ADIG: variants seen among roughly 807,000 people sequenced by gnomAD.
ADIG encodes adipogenin.
Under a neutral mutation model 10.7 loss-of-function variants are expected in ADIG, and 12 were observed. The observed-to-expected ratio is 1.12, with a 90% CI of 0.72 to 1.82. ADIG has a LOEUF of 1.82. Among genes scored for constraint, ADIG ranks in the 40% most tolerant of loss-of-function variants. ADIG has a pLI of 0.00. For synonymous variants in ADIG, 32 were observed against 35.6 expected (o/e 0.90, Z 0.36); for missense variants, 72 against 92.5 (o/e 0.78, Z 0.91).
In ADIG at chr20:38,588,251, A is replaced by C; in HGVS notation, c.*165A>C. The C allele has an allele frequency of 7.7e-7, 1 of 1,304,358 alleles. No individual in the cohort carries two copies. Among genetic ancestry groups the C allele is most frequent in the Non-Finnish European group, 1.0e-6 (1 of 988,960 alleles). The allele number at this position is 1,304,358 out of a possible 1,614,324, so 80.8% of individuals were successfully genotyped here. On this transcript the variant is annotated 3_prime_UTR_variant, in exon 3 of 3. Transcript: ENST00000537425. ...CAGACCGACATGTGAAAGCCTCCAG[A>C]GGTCCCAGCCCTTCTCCAGCATCAC...
chr20:38,587,585 A>C (rs2088648351), intron 2 of ADIG, among the ~76,000 whole-genome samples: 1 of 152,102 alleles, frequency 6.6e-6, no homozygotes, highest in African/African-American at 2.4e-5. Context: ...TTAATTTGCT[A>C]TTGGGCCCTG....
chr20:38,588,230 C>G lies in ADIG; in HGVS notation c.*144C>G, dbSNP rs1346082877. On this transcript the variant is annotated 3_prime_UTR_variant, in exon 3 of 3. Transcript: ENST00000537425. ...ACCCCCAACTCATCTCCTCTTCAGA[C>G]CGACATGTGAAAGCCTCCAGAGGTC... The G allele has an allele frequency of 2.3e-6, 3 of 1,304,496 alleles. 1 individual carries two copies. In the South Asian group the frequency reaches 3.7e-5, roughly 16 times the overall value. 80.8% of individuals were successfully genotyped at this position (1,304,496 alleles called of 1,614,324 possible).
Position 38,581,268 on chromosome 20 carries a change from G to A in ADIG, c.18G>A (p.Met6Ile). MKYPL[M>I]PLVNDLTFSF... ...CATGCGCCATGAAGTACCCTTTGAT[G>A]CCGCTGGTGAACGACCTCACATTTT... Residue 6 changes from methionine to isoleucine, a missense_variant, in exon 1 of 3, where the codon ATG becomes ATA. Coordinates refer to ENST00000537425, the MANE Select transcript of ADIG (RefSeq NM_001393816.1). The A allele has an allele frequency of 6.2e-7, 1 of 1,613,192 alleles. No homozygotes were observed. The highest frequency in any genetic ancestry group is 8.5e-7 in the Non-Finnish European group (1 of 1,179,634).
chr20:38,582,811 CTTTT>C (rs556583627), intron 1 of ADIG, among the ~76,000 whole-genome samples: 2 of 148,850 alleles, frequency 1.3e-5, no homozygotes, highest in Non-Finnish European at 3.0e-5. Flanking sequence ...AGATATCATC[CTTTT>C]TTTTTTATTT....
chr20:38,587,674 C>G (rs2088649118), intron 2 of ADIG, among the ~76,000 whole-genome samples: 1 of 119,106 alleles, frequency 8.4e-6, no homozygotes, highest in Non-Finnish European at 1.8e-5. Flanking sequence ...AGAACCCTAT[C>G]CCATTTATGC....
intron 2 of ADIG, among the ~76,000 whole-genome samples, chr20:38,586,877 T>C (rs1353644876): frequency 7.5e-6 from 1 of 133,102 alleles, no homozygotes; most frequent in African/African-American, 3.6e-5. Context: ...ACACACATAC[T>C]CTCATGTGAG....
intron 1 of ADIG, chr20:38,585,299 C>T (rs2088626528): frequency 1.1e-6 from 1 of 873,194 alleles, no homozygotes; most frequent in Non-Finnish European, 1.7e-6. Context: ...CTCACCCTAC[C>T]TCCCCAAGAT....
At chr20:38,583,958 G>A (rs1489855682) in intron 1 of ADIG, among the ~76,000 whole-genome samples, 1 of 152,016 alleles carries the variant, frequency 6.6e-6, no homozygotes, top group Non-Finnish European at 1.5e-5. Flanking sequence ...GGGTTTGGGG[G>A]GCTAAGGGGT....
rs1477488674 is a variant in ADIG at position 38,582,584 on chromosome 20, A to G, written c.124+1210A>G. Among the ~76,000 whole-genome samples the G allele has an allele frequency of 2.6e-5, 4 of 152,106 alleles. No individual in the cohort carries two copies. In the East Asian group the frequency reaches 5.8e-4, roughly 22 times the overall value. On this transcript the variant is annotated intron_variant, in intron 1 of 2. Transcript: ENST00000537425. ...ATCTCAAATGTAGGGGCTTATAATTATGTAATTATTGGGAGTTCCTGGCAA... is the reference window on the plus strand; with the variant it reads ...ATCTCAAATGTAGGGGCTTATAATTGTGTAATTATTGGGAGTTCCTGGCAA...
At chr20:38,586,804 A>T (rs1240309892) in intron 2 of ADIG, among the ~76,000 whole-genome samples, 2 of 151,976 alleles carry the variant, frequency 1.3e-5, no homozygotes, top group African/African-American at 4.8e-5. Flanking sequence ...CCCCTTCCAC[A>T]AGCTTACTTA....
At chr20:38,587,333 G>A (rs2088646381) in intron 2 of ADIG, among the ~76,000 whole-genome samples, 1 of 152,176 alleles carries the variant, frequency 6.6e-6, no homozygotes, top group South Asian at 2.1e-4. Context: ...GGAGGAGGTG[G>A]TGAAAAGGAG....
intron 2 of ADIG, 66 bp downstream of exon 2, chr20:38,586,227 T>G: frequency 7.5e-7 from 1 of 1,326,970 alleles, no homozygotes; most frequent in Non-Finnish European, 1.0e-6. Context: ...AGCTGCTATG[T>G]GGGCAAGAGG....
chr20:38,585,696 C>CT (rs1386057370), intron 1 of ADIG: 2 of 700,250 alleles, frequency 2.9e-6, no homozygotes, highest in African/African-American at 3.6e-5. Context: ...AACTAGTGGA[C>CT]TAGTGGCCTG....
rs2088588844 is a variant in ADIG at position 38,581,286 on chromosome 20, C to CA, written c.37dup (p.Thr13AsnfsTer28). On this transcript the variant is annotated frameshift_variant, in exon 1 of 3. Coordinates refer to ENST00000537425, the MANE Select transcript of ADIG (RefSeq NM_001393816.1). LOFTEE classifies it high-confidence loss of function. ...CTTTGATGCCGCTGGTGAACGACCT[C>CA]ACATTTTCTTTCCTGGTTTTCTGGT... 6.2e-7 allele frequency: 1 copy of CA among 1,613,908 alleles called. No homozygotes were observed.
chr20:38,584,008 T>C (rs751419130), intron 1 of ADIG, among the ~76,000 whole-genome samples: 2 of 152,090 alleles, frequency 1.3e-5, no homozygotes, highest in African/African-American at 4.8e-5. Context: ...CTGCTGCAGA[T>C]CCCTTTATTG....
At chr20:38,586,364 T>C in intron 2 of ADIG, 1 of 546,560 alleles carries the variant, frequency 1.8e-6, no homozygotes, top group South Asian at 2.1e-5. Context: ...GCCAGCCCCC[T>C]GTGCCACAAG....
chr20:38,581,404 C>A, intron 1 of ADIG, 30 bp downstream of exon 1: 3 of 1,613,300 alleles, frequency 1.9e-6, no homozygotes, highest in Non-Finnish European at 2.5e-6. Flanking sequence ...CAGGCAGGAC[C>A]CTAATCCTGG....
chr20:38,586,379 C>G, intron 2 of ADIG: 1 of 522,648 alleles, frequency 1.9e-6, no homozygotes, highest in East Asian at 3.4e-5. Context: ...CACAAGGAGC[C>G]TTTACAAAGG....
In ADIG at chr20:38,581,340, A is replaced by G. The variant is rs535611431; in HGVS notation, c.90A>G (p.Leu30=). ...GCCTCCCTGTGGGTTTGCTGTTGTT[A>G]TTGATCATCTGGCTACGCTTCTTAC... ...WFCLPVGLLL[L]LIIWLRFLLS... Residue 30 remains leucine (L), a synonymous_variant, in exon 1 of 3, where the codon TTA becomes TTG. Coordinates refer to ENST00000537425, the MANE Select transcript of ADIG (RefSeq NM_001393816.1). 1.9e-6 allele frequency: 3 copies of G among 1,613,916 alleles called. No homozygotes were observed. Among genetic ancestry groups the G allele is most frequent in the East Asian group, 2.2e-5 (1 of 44,876 alleles).
Sources: allele counts gnomAD v4.1 joint callset (sites outside exome capture counted in the v4.1 genomes callset), GRCh38; gene constraint gnomAD v4.1.1; transcripts MANE v1.5; gene names NCBI Gene and HGNC (gene_info 2026-07-23, HGNC 2026-07-21).